Variants in ARB2A observed in about 807,000 individuals in gnomAD.
The protein encoded by ARB2A is ARB2 cotranscriptional regulator A.
At chr5:93,898,416 TTCTG>T in the ARB2A span, among the ~76,000 whole-genome samples, 3 of 152,004 alleles carry the variant, frequency 2.0e-5, no homozygotes, top group Admixed American at 2.0e-4. Flanking sequence ...GCACCTTTCT[TTCTG>T]TATCTTCTTT....
the ARB2A span, among the ~76,000 whole-genome samples, chr5:93,951,818 CA>C: frequency 6.6e-6 from 1 of 151,896 alleles, no homozygotes; most frequent in Admixed American, 6.6e-5. Context: ...TCATGTACCC[CA>C]TAAATATATA....
the ARB2A span, among the ~76,000 whole-genome samples, chr5:93,792,047 C>T: frequency 2.0e-5 from 3 of 151,936 alleles, no homozygotes; most frequent in Non-Finnish European, 2.9e-5. Context: ...GGGAAGGCGA[C>T]TGTTTGAAAA....
chr5:93,888,003 A>C, the ARB2A span, among the ~76,000 whole-genome samples: 1 of 151,870 alleles, frequency 6.6e-6, no homozygotes, highest in African/African-American at 2.4e-5. Flanking sequence ...TATATTGACA[A>C]ACACACACCC....
At chr5:93,806,112 T>C in the ARB2A span, among the ~76,000 whole-genome samples, 1 of 151,774 alleles carries the variant, frequency 6.6e-6, no homozygotes, top group Admixed American at 6.6e-5. Flanking sequence ...GTACAAACAC[T>C]ATACAATTCC....
the ARB2A span, among the ~76,000 whole-genome samples, chr5:93,947,946 T>C: frequency 6.6e-6 from 1 of 152,116 alleles, no homozygotes; most frequent in African/African-American, 2.4e-5. Context: ...AAGTCTTTGC[T>C]ATTGTGAATA....
At chr5:93,708,511 G>A in the ARB2A span, among the ~76,000 whole-genome samples, 11 of 152,240 alleles carry the variant, frequency 7.2e-5, no homozygotes, top group East Asian at 5.8e-4. Context: ...ATCATCATGC[G>A]TTAGATTCTC....
chr5:93,927,281 C>G, the ARB2A span, among the ~76,000 whole-genome samples: 1 of 152,138 alleles, frequency 6.6e-6, no homozygotes, highest in South Asian at 2.1e-4. Context: ...GGAGTGAGAT[C>G]TGGATTATAG....
the ARB2A span, among the ~76,000 whole-genome samples, chr5:93,986,093 C>A: frequency 7.2e-5 from 10 of 138,642 alleles, no homozygotes; most frequent in African/African-American, 2.5e-4. Flanking sequence ...AGGTGAGGAG[C>A]GTCTCTACCC....
chr5:93,764,192 T>A, the ARB2A span, among the ~76,000 whole-genome samples: 1 of 151,952 alleles, frequency 6.6e-6, no homozygotes, highest in African/African-American at 2.4e-5. Context: ...AAGAAATAAC[T>A]AAAATCAGAG....
chr5:93,852,694 C>G, the ARB2A span, among the ~76,000 whole-genome samples: 1 of 152,130 alleles, frequency 6.6e-6, no homozygotes, highest in African/African-American at 2.4e-5. Context: ...TTTCCCAGCA[C>G]CATTTATTAA....
chr5:93,699,318 G>A, the ARB2A span, among the ~76,000 whole-genome samples: 1 of 152,142 alleles, frequency 6.6e-6, no homozygotes, highest in Non-Finnish European at 1.5e-5. Context: ...TATAGGTAAG[G>A]CTTGGTACAG....
chr5:93,921,589 G>GA, the ARB2A span, among the ~76,000 whole-genome samples: 51 of 147,844 alleles, frequency 3.4e-4, no homozygotes, highest in East Asian at 1.4e-3. Flanking sequence ...CCCAATTCTG[G>GA]AAAAAAAAAA....
At chr5:93,783,109 A>G in the ARB2A span, among the ~76,000 whole-genome samples, 1 of 152,150 alleles carries the variant, frequency 6.6e-6, no homozygotes, top group Non-Finnish European at 1.5e-5. Flanking sequence ...TATATTTGTC[A>G]TCTGGAATGA....
At chr5:93,929,863 A>G in the ARB2A span, among the ~76,000 whole-genome samples, 1 of 152,208 alleles carries the variant, frequency 6.6e-6, no homozygotes, top group Non-Finnish European at 1.5e-5. Flanking sequence ...TATCAGTTGA[A>G]GAGTGTTCAT....
At chr5:94,048,050 GC>G in the ARB2A span, among the ~76,000 whole-genome samples, 3 of 41,602 alleles carry the variant, frequency 7.2e-5, no homozygotes, top group East Asian at 3.6e-3. Context: ...AAATCGGTAA[GC>G]TTTTTTTTTT....
the ARB2A span, among the ~76,000 whole-genome samples, chr5:93,875,367 G>A: frequency 2.6e-5 from 4 of 152,068 alleles, no homozygotes; most frequent in African/African-American, 9.7e-5. Flanking sequence ...AAGTAGCTGG[G>A]ATTACAGGTG....
the ARB2A span, among the ~76,000 whole-genome samples, chr5:93,617,762 G>C: frequency 1.6e-3 from 241 of 152,232 alleles, 9 homozygotes; most frequent in East Asian, 0.037. Flanking sequence ...GCATATTCAA[G>C]TGTATTTTAT....
chr5:93,808,559 A>G, the ARB2A span, among the ~76,000 whole-genome samples: 1 of 152,012 alleles, frequency 6.6e-6, no homozygotes, highest in South Asian at 2.1e-4. Context: ...TGTTTAATGT[A>G]TTGATACAGG....
chr5:93,824,627 T>C, the ARB2A span, among the ~76,000 whole-genome samples: 8 of 152,154 alleles, frequency 5.3e-5, no homozygotes, highest in East Asian at 1.9e-4. Flanking sequence ...TTTTACATTA[T>C]TAACTGAAGA....
Sources: allele counts gnomAD v4.1 joint callset (sites outside exome capture counted in the v4.1 genomes callset), GRCh38; gene constraint gnomAD v4.1.1; transcripts MANE v1.5; gene names NCBI Gene and HGNC (gene_info 2026-07-23, HGNC 2026-07-21).